The following AGAP1 variants were observed in gnomAD, a reference collection of about 807,000 sequenced individuals.
AGAP1 encodes ArfGAP with GTPase domain, ankyrin repeat and PH domain 1.
In AGAP1, 29 loss-of-function variants were observed where a neutral mutation model predicts 105.3. That is an observed-to-expected ratio of 0.28 (90% confidence interval 0.21 to 0.38). AGAP1 has a LOEUF of 0.38. Among genes scored for constraint, AGAP1 ranks in the 10% least tolerant of loss-of-function variants. The probability of loss-of-function intolerance (pLI) is 1.00; values close to 1 mark genes in which losing one functional copy is unlikely to be tolerated. For synonymous variants in AGAP1, 509 were observed against 485.9 expected (o/e 1.05, Z -0.63); for missense variants, 998 against 1,165.1 (o/e 0.86, Z 2.09).
intron 10 of AGAP1, among the ~76,000 whole-genome samples, chr2:235,890,180 T>A (rs903405688): frequency 1.3e-5 from 2 of 150,596 alleles, no homozygotes; most frequent in African/African-American, 2.5e-5. Context: ...TTTTTTTTTT[T>A]AAGACAGTCT....
intron 11 of AGAP1, among the ~76,000 whole-genome samples, chr2:235,914,968 C>G (rs577342441): frequency 7.2e-5 from 11 of 152,158 alleles, no homozygotes. Context: ...GATTGTGAAA[C>G]TCAAACATCC....
At chr2:235,534,647 A>G (rs1209432206) in intron 1 of AGAP1, among the ~76,000 whole-genome samples, 1 of 152,200 alleles carries the variant, frequency 6.6e-6, no homozygotes, top group Non-Finnish European at 1.5e-5. Context: ...CAGTCTGATC[A>G]TAATATATGC....
rs188133215 is a variant in AGAP1, at chr2:235,739,511, A to G, written c.311-1452A>G. Among the ~76,000 whole-genome samples the G allele has an allele frequency of 2.8e-4, 42 of 152,280 alleles. No homozygotes were observed. In the East Asian group the frequency reaches 7.9e-3, roughly 29 times the overall value. On this transcript the variant is annotated intron_variant, in intron 3 of 17. Coordinates refer to ENST00000304032, the MANE Select transcript of AGAP1 (RefSeq NM_001037131.3). The surrounding 1 kb of genome is among the most constrained non-coding windows in gnomAD (Gnocchi z 5.3). ...CCAGTGGGCCCTACCGTCTTGTTTC[A>G]GTGACTGGGGGGACAGCAAAATGAG...
intron 9 of AGAP1, among the ~76,000 whole-genome samples, chr2:235,813,182 C>T (rs982668521): frequency 2.6e-5 from 4 of 152,244 alleles, no homozygotes; most frequent in East Asian, 1.9e-4. Flanking sequence ...CCTACATCCC[C>T]GCCCTTTTGG....
At chr2:235,745,105 GA>G (rs960588579) in intron 5 of AGAP1, among the ~76,000 whole-genome samples, 17 of 150,644 alleles carry the variant, frequency 1.1e-4, no homozygotes, top group Middle Eastern at 3.4e-3. Flanking sequence ...TTGTTTTCTG[GA>G]AAAAAAATAT....
Position 235,631,495 on chromosome 2 carries a change from A to G in AGAP1, c.164-77684A>G, listed in dbSNP as rs1052237216. On this transcript the variant is annotated intron_variant, in intron 1 of 17. Transcript: ENST00000304032. The surrounding 1 kb of genome is among the most constrained non-coding windows in gnomAD (Gnocchi z 5.4). The stretch of plus-strand genomic sequence containing the variant: ...AGGACCGGACTGCGTGGTCCTGGTT[A>G]TACCTGCTGGTCAAAGGTCAGTCTG... 1.3e-5 allele frequency among the ~76,000 whole-genome samples: 2 copies of G among 152,168 alleles called. No homozygotes were observed. Among genetic ancestry groups the G allele is most frequent in the South Asian group, 2.1e-4 (1 of 4,834 alleles).
rs1446093463 is a variant in AGAP1, at chr2:235,659,835, C to T, written c.164-49344C>T. 1.3e-5 allele frequency among the ~76,000 whole-genome samples: 2 copies of T among 152,208 alleles called. No homozygotes were observed. The highest frequency in any genetic ancestry group is 4.8e-5 in the African/African-American group (2 of 41,460). On this transcript the variant is annotated intron_variant, in intron 1 of 17. Coordinates refer to ENST00000304032, the MANE Select transcript of AGAP1 (RefSeq NM_001037131.3). The surrounding 1 kb of genome is among the most constrained non-coding windows in gnomAD (Gnocchi z 5.0). Reference sequence around the variant, plus strand: ...GCCCTCGGATGCGAAATCTGGGGAACCAGCCAGCCACCTCTGGTCCTGGGA... The same window carrying T: ...GCCCTCGGATGCGAAATCTGGGGAATCAGCCAGCCACCTCTGGTCCTGGGA...
intron 9 of AGAP1, among the ~76,000 whole-genome samples, chr2:235,861,440 C>T (rs940893138): frequency 2.6e-5 from 4 of 152,204 alleles, no homozygotes; most frequent in Non-Finnish European, 4.4e-5. Flanking sequence ...CATCAGGGAA[C>T]ACACTCTTGT....
chr2:235,792,085 A>G lies in AGAP1; in HGVS notation c.674-5674A>G, dbSNP rs1042552003. Among the ~76,000 whole-genome samples, 1 of 152,004 alleles carries G rather than the reference A, an allele frequency of 6.6e-6. No homozygotes were observed. Among genetic ancestry groups the G allele is most frequent in the Non-Finnish European group, 1.5e-5 (1 of 68,008 alleles). ...TTATAATCCCTACCTAACAGTGCTT[A>G]CTCGGAATTGCTCCCCCGCCTCCCA... On this transcript the variant is annotated intron_variant, in intron 6 of 17. Transcript: ENST00000304032. This position sits in a 1 kb window ranked among gnomAD's most constrained non-coding sequence, Gnocchi z 5.3.
intron 1 of AGAP1, among the ~76,000 whole-genome samples, chr2:235,602,826 C>T (rs747290126): frequency 3.9e-5 from 6 of 152,094 alleles, no homozygotes; most frequent in South Asian, 2.1e-4. Flanking sequence ...CTCAGCCTCC[C>T]GAACAGCTGG....
chr2:235,582,106 A>T lies in AGAP1; in HGVS notation c.163+87257A>T, dbSNP rs1944951757. On this transcript the variant is annotated intron_variant, in intron 1 of 17. Coordinates refer to ENST00000304032, the MANE Select transcript of AGAP1 (RefSeq NM_001037131.3). This position sits in a 1 kb window ranked among gnomAD's most constrained non-coding sequence, Gnocchi z 4.7. ...TTGCAGCAGGCAGGAGTTGATAGTG[A>T]TGCTATGGGGCTGTCTGCTCTATAC... Among the ~76,000 whole-genome samples, 1 of 152,118 alleles carries T rather than the reference A, an allele frequency of 6.6e-6. No homozygotes were observed. The highest frequency in any genetic ancestry group is 2.4e-5 in the African/African-American group (1 of 41,422).
rs1351011506 is a variant in AGAP1, at chr2:235,971,291, T to C, written c.1645+2668T>C. ...TCAAAGCCACATTTTCCCCCCAAATTGTAACATATCTGAAGTCAGAACATA... is the reference window on the plus strand; with the variant it reads ...TCAAAGCCACATTTTCCCCCCAAATCGTAACATATCTGAAGTCAGAACATA... On this transcript the variant is annotated intron_variant, in intron 13 of 17. Coordinates refer to ENST00000304032, the MANE Select transcript of AGAP1 (RefSeq NM_001037131.3). This position sits in a 1 kb window ranked among gnomAD's most constrained non-coding sequence, Gnocchi z 4.8. Among the ~76,000 whole-genome samples the C allele has an allele frequency of 6.6e-6, 1 of 152,204 alleles. No homozygotes were observed. The highest frequency in any genetic ancestry group is 1.5e-5 in the Non-Finnish European group (1 of 68,032).
At position 236,073,515 on chromosome 2, in the gene AGAP1, T is replaced by G. The variant is rs1210791514; in HGVS notation, c.2114+24234T>G. 3.3e-5 allele frequency among the ~76,000 whole-genome samples: 5 copies of G among 152,162 alleles called. No individual in the cohort carries two copies. Among genetic ancestry groups the G allele is most frequent in the African/African-American group, 1.2e-4 (5 of 41,434 alleles). On this transcript the variant is annotated intron_variant, in intron 16 of 17. Coordinates refer to ENST00000304032, the MANE Select transcript of AGAP1 (RefSeq NM_001037131.3). The surrounding 1 kb of genome is among the most constrained non-coding windows in gnomAD (Gnocchi z 5.4). ...TTGCAAAACAGCTGGGGACTGGAGA[T>G]ATTGGATTATACCATCTTGGTGTTG... is the stretch of plus-strand genomic sequence containing the variant.
At chr2:235,511,530 T>C (rs1427484332) in intron 1 of AGAP1, among the ~76,000 whole-genome samples, 5 of 152,148 alleles carry the variant, frequency 3.3e-5, no homozygotes, top group Non-Finnish European at 7.4e-5. Flanking sequence ...CCTAGCTCTT[T>C]ATGACTAACT....
chr2:235,816,197 G>C (rs1958442019), intron 9 of AGAP1, among the ~76,000 whole-genome samples: 1 of 152,092 alleles, frequency 6.6e-6, no homozygotes, highest in Non-Finnish European at 1.5e-5. Flanking sequence ...CAGCACTTTG[G>C]GAGGCCGAGG....
In AGAP1 at chr2:236,119,133, A is replaced by C. The variant is rs777385069; in HGVS notation, c.2115-1059A>C. On this transcript the variant is annotated intron_variant, in intron 16 of 17. Coordinates refer to ENST00000304032, the MANE Select transcript of AGAP1 (RefSeq NM_001037131.3). The surrounding 1 kb of genome is among the most constrained non-coding windows in gnomAD (Gnocchi z 6.6). ...ATGTATTACACTGGCCAGGTCGGGC[A>C]GCCCCATCTCAGCCAGGTTGTGATG... Among the ~76,000 whole-genome samples, 1 of 152,088 alleles carries C rather than the reference A, an allele frequency of 6.6e-6. No homozygotes were observed. Among genetic ancestry groups the C allele is most frequent in the Non-Finnish European group, 1.5e-5 (1 of 68,006 alleles).
chr2:235,868,335 G>A (rs1369384928), intron 9 of AGAP1, among the ~76,000 whole-genome samples: 2 of 152,082 alleles, frequency 1.3e-5, no homozygotes, highest in African/African-American at 2.4e-5. Context: ...ATCTCATTGC[G>A]AAATCACACG....
rs570389332 is a variant in AGAP1 at position 235,934,536 on chromosome 2, T to C, written c.1483+3613T>C. Among the ~76,000 whole-genome samples, 1 of 152,310 alleles carries C rather than the reference T, an allele frequency of 6.6e-6. No individual in the cohort carries two copies. The highest frequency in any genetic ancestry group is 1.9e-4 in the East Asian group (1 of 5,178). On this transcript the variant is annotated intron_variant, in intron 12 of 17. Coordinates refer to ENST00000304032, the MANE Select transcript of AGAP1 (RefSeq NM_001037131.3). This position sits in a 1 kb window ranked among gnomAD's most constrained non-coding sequence, Gnocchi z 4.9. ...ATGGACAACTTCCAGAAAACGTGTT[T>C]ATGAATGGATTTCAAGACTCAGCCT...
intron 6 of AGAP1, among the ~76,000 whole-genome samples, chr2:235,758,963 T>C (rs1954167870): frequency 6.6e-6 from 1 of 151,646 alleles, no homozygotes; most frequent in Non-Finnish European, 1.5e-5. Flanking sequence ...CAGCTAGTTT[T>C]TGTATTTTTA....
Sources: allele counts gnomAD v4.1 joint callset (sites outside exome capture counted in the v4.1 genomes callset), GRCh38; gene constraint gnomAD v4.1.1; non-coding constraint Gnocchi (gnomAD v3.1); transcripts MANE v1.5; gene names NCBI Gene and HGNC (gene_info 2026-07-23, HGNC 2026-07-21).